Variants in DSP observed in about 807,000 individuals in gnomAD.
DSP encodes desmoplakin, also known as 250/210 kDa paraneoplastic pemphigus antigen.
A neutral mutation model predicts 290.6 loss-of-function variants in DSP; 114 were observed. The observed-to-expected ratio is 0.39, with a 90% CI of 0.34 to 0.46. The LOEUF is 0.46. DSP is among the 20% of genes least tolerant of loss of function. DSP has a pLI of 0.99. For synonymous variants in DSP, 1,311 were observed against 1,316.4 expected, an observed-to-expected ratio of 1.00 and a Z score of 0.09; for missense variants, 3,230 against 3,495.8, an observed-to-expected ratio of 0.92 and a Z score of 1.92.
At chr6:7,571,013 C>G (rs1428744704) in intron 13 of DSP, among the ~76,000 whole-genome samples, 1 of 152,062 alleles carries the variant, frequency 6.6e-6, no homozygotes, top group Non-Finnish European at 1.5e-5. Context: ...AGAGGGAGAT[C>G]CTTTAGGAGT....
At chr6:7,578,443 C>T (rs1397658630) in intron 21 of DSP, 21 bp from the exon 22 acceptor site, 1 of 1,602,144 alleles carries the variant, frequency 6.2e-7, no homozygotes, top group South Asian at 1.1e-5. Flanking sequence ...CTTTTTCTTT[C>T]TTTCCTTCCT....
rs1287465370 is a variant in DSP, at chr6:7,582,849, G to A, written c.5587G>A (p.Asp1863Asn). 4 of 1,614,112 alleles carry A rather than the reference G, an allele frequency of 2.5e-6. No individual in the cohort carries two copies. Among genetic ancestry groups the A allele is most frequent in the African/African-American group, 2.7e-5 (2 of 75,012 alleles). ...GTGTGAGAAACAGCAAATTCAGAAT[G>A]ACCTGAATCAGTGGAAGACTCAATA... is the stretch of plus-strand genomic sequence containing the variant. ...LECEKQQIQN[D>N]LNQWKTQYSR... Residue 1863 changes from aspartate (D) to asparagine (N), a missense_variant, in exon 24 of 24, where the codon GAC becomes AAC. This residue lies in a region of DSP where 1,714 missense variants were observed against 1,844.5 expected (regional missense o/e 0.93). Transcript: ENST00000379802. This position sits in a 1 kb window ranked among gnomAD's most constrained non-coding sequence, Gnocchi z 4.2.
At position 7,576,429 on chromosome 6, in the gene DSP, A is replaced by G; in HGVS notation, c.2766A>G (p.Thr922=). 1.2e-6 allele frequency: 2 copies of G among 1,614,136 alleles called. No homozygotes were observed. The highest frequency in any genetic ancestry group is 1.7e-6 in the Non-Finnish European group (2 of 1,180,006). ...LESMKFGDSN[T]VMRFLNEQKN... ...CCATGAAATTTGGAGATTCCAACAC[A>G]GTCATGCGGTTTTTGAATGAGCAGA... The change falls in exon 19 of 24, where the codon ACA becomes ACG. Residue 922 remains threonine, a synonymous_variant. Coordinates refer to ENST00000379802, the MANE Select transcript of DSP (RefSeq NM_004415.4).
At position 7,580,405 on chromosome 6, in the gene DSP, A is replaced by G. The variant is rs1487776016; in HGVS notation, c.4215A>G (p.Leu1405=). The change falls in exon 23 of 24, where the codon TTA becomes TTG. Residue 1405 remains leucine (L), a synonymous_variant. Transcript: ENST00000379802. The surrounding 1 kb of genome is among the most constrained non-coding windows in gnomAD (Gnocchi z 4.2). ...ATCTCACCCGAGAAAACAGGAGCTT[A>G]TCTGAAGAAATAAAGAGGCTGAAGA... ...IDNLTRENRS[L]SEEIKRLKNT... is the part of the protein sequence containing the mutation. The G allele has an allele frequency of 6.2e-7, 1 of 1,613,990 alleles. No individual in the cohort carries two copies. Among genetic ancestry groups the G allele is most frequent in the African/African-American group, 1.3e-5 (1 of 74,900 alleles).
rs1159243386 is a variant in DSP, at chr6:7,580,756, G to A, written c.4566G>A (p.Thr1522=). ...TGCAGAAAGCAAACAGTAGTGCGAC[G>A]GAGACAATAAACAAACTGAAGGTTC... ...YDLQKANSSA[T]ETINKLKVQE... is the part of the protein sequence containing the mutation. The change falls in exon 23 of 24, where the codon ACG becomes ACA. Residue 1522 remains threonine, a synonymous_variant. Coordinates refer to ENST00000379802, the MANE Select transcript of DSP (RefSeq NM_004415.4). This position sits in a 1 kb window ranked among gnomAD's most constrained non-coding sequence, Gnocchi z 4.2. 6.2e-6 allele frequency: 10 copies of A among 1,613,966 alleles called. No individual in the cohort carries two copies. Among genetic ancestry groups the A allele is most frequent in the Middle Eastern group, 1.6e-4 (1 of 6,084 alleles).
chr6:7,542,441 G>A (rs1758024514), intron 1 of DSP, among the ~76,000 whole-genome samples: 1 of 152,170 alleles, frequency 6.6e-6, no homozygotes, highest in South Asian at 2.1e-4. Context: ...AGGTGGGGCT[G>A]CGACCACAAA....
Position 7,581,056 on chromosome 6 carries a change from A to G in DSP, c.4866A>G (p.Ala1622=), listed in dbSNP as rs778160298. ...ACCTGACCCAGCAGCTGGAGCAGGCATCCATTGTTAAGAAGAGGAGTGAGG... is the reference window on the plus strand; with the variant it reads ...ACCTGACCCAGCAGCTGGAGCAGGCGTCCATTGTTAAGAAGAGGAGTGAGG... The part of the protein sequence containing the change: ...ITNLTQQLEQ[A]SIVKKRSEDD... The change falls in exon 23 of 24, where the codon GCA becomes GCG. Residue 1622 remains alanine (A), a synonymous_variant. Coordinates refer to ENST00000379802, the MANE Select transcript of DSP (RefSeq NM_004415.4). 6.2e-7 allele frequency: 1 copy of G among 1,614,102 alleles called. No homozygotes were observed. The highest frequency in any genetic ancestry group is 8.5e-7 in the Non-Finnish European group (1 of 1,180,040).
At position 7,579,817 on chromosome 6, in the gene DSP, G is replaced by T. The variant is rs1759361847; in HGVS notation, c.3627G>T (p.Lys1209Asn). 1 of 1,614,088 alleles carries T rather than the reference G, an allele frequency of 6.2e-7. No individual in the cohort carries two copies. The highest frequency in any genetic ancestry group is 8.5e-7 in the Non-Finnish European group (1 of 1,180,036). The change falls in exon 23 of 24, where the codon AAG becomes AAT. Residue 1209 changes from lysine to asparagine, a missense_variant. Coordinates refer to ENST00000379802, the MANE Select transcript of DSP (RefSeq NM_004415.4). The surrounding 1 kb of genome is among the most constrained non-coding windows in gnomAD (Gnocchi z 4.1). ...YNEEMSNLRN[K>N]YETEINITKT... ...AGGAGATGAGTAATTTAAGGAACAA[G>T]TATGAAACAGAGATTAACATTACGA...
intron 2 of DSP, among the ~76,000 whole-genome samples, 155 bp from the exon 3 acceptor site, chr6:7,557,961 G>A (rs567575056): frequency 9.2e-5 from 14 of 152,322 alleles, no homozygotes; most frequent in African/African-American, 2.4e-4. Context: ...ATGAATCTCC[G>A]TCTGTTTACC....
Position 7,583,773 on chromosome 6 carries a change from A to G in DSP, c.6511A>G (p.Asn2171Asp), listed in dbSNP as rs149827779. 8.1e-6 allele frequency: 13 copies of G among 1,613,910 alleles called. No individual in the cohort carries two copies. In the African/African-American group the frequency reaches 1.6e-4, roughly 20 times the overall value. Residue 2171 changes from asparagine (N) to aspartate (D), a missense_variant, in exon 24 of 24, where the codon AAC (asparagine) becomes GAC (aspartate). Coordinates refer to ENST00000379802, the MANE Select transcript of DSP (RefSeq NM_004415.4). This position sits in a 1 kb window ranked among gnomAD's most constrained non-coding sequence, Gnocchi z 4.0. ...GAATGATCCCCGAGATAGTCAGAAA[A>G]ACTTTGTGGATCCAGTCACCAAAAA... ...SLNDPRDSQK[N>D]FVDPVTKKKV...
At chr6:7,571,757 T>C in intron 14 of DSP, 85 bp from the exon 15 acceptor site, 1 of 1,513,090 alleles carries the variant, frequency 6.6e-7, no homozygotes, top group Non-Finnish European at 9.1e-7. Flanking sequence ...AGGTATACTT[T>C]TAGGTAGTAT....
Position 7,586,147 on chromosome 6 carries a change from G to T in DSP, c.*269G>T. ...ATAGCACAAATCGAACTTAGGATTTGTTTCTTCTCTTCTGTGTTTCGATTT... is the reference window on the plus strand; with the variant it reads ...ATAGCACAAATCGAACTTAGGATTTTTTTCTTCTCTTCTGTGTTTCGATTT... On this transcript the variant is annotated 3_prime_UTR_variant, in exon 24 of 24. Transcript: ENST00000379802. The T allele has an allele frequency of 5.5e-6, 2 of 360,572 alleles. No individual in the cohort carries two copies. The highest frequency in any genetic ancestry group is 5.0e-6 in the Non-Finnish European group (1 of 200,678). The allele number at this position is 360,572 out of a possible 1,614,324, so 22.3% of individuals were successfully genotyped here. A position where few individuals can be genotyped will look rare whatever the true frequency, so the allele number is the denominator to read the frequency against.
At chr6:7,555,080 G>A (rs531232861) in intron 1 of DSP, among the ~76,000 whole-genome samples, 1 of 152,310 alleles carries the variant, frequency 6.6e-6, no homozygotes, top group East Asian at 1.9e-4. Context: ...TGTGGTGTTG[G>A]GGACTGTCAT....
rs577625038 is a variant in DSP, at chr6:7,583,220, C to T, written c.5958C>T (p.Ile1986=). 1.3e-5 allele frequency: 21 copies of T among 1,613,910 alleles called. No homozygotes were observed. The highest frequency in any genetic ancestry group is 1.6e-4 in the Middle Eastern group (1 of 6,084). The change falls in exon 24 of 24, where the codon ATC becomes ATT. Residue 1986 remains isoleucine, a synonymous_variant. Coordinates refer to ENST00000379802, the MANE Select transcript of DSP (RefSeq NM_004415.4). This position sits in a 1 kb window ranked among gnomAD's most constrained non-coding sequence, Gnocchi z 4.0. ...TGCAGCTCTATGAGTGTCAGCTGAT[C>T]GACAAAACAACCTTGGACAAACTAT... is the stretch of plus-strand genomic sequence containing the variant. ...TAMQLYECQL[I]DKTTLDKLLK... is the part of the protein sequence containing the mutation.
At chr6:7,542,905 T>A (rs770561860) in intron 1 of DSP, among the ~76,000 whole-genome samples, 1 of 149,218 alleles carries the variant, frequency 6.7e-6, no homozygotes, top group East Asian at 2.0e-4. Context: ...GCCGGCCGCA[T>A]GTCTGCTTTG....
rs572980966 is a variant in DSP at position 7,567,789 on chromosome 6, A to G, written c.1149A>G (p.Glu383=). The part of the protein sequence containing the change: ...KENAAYFQFF[E]EAQSTEAYLK... ...ACTCTCATCCTTCACAGTTTTTTGAAGAGGCGCAGTCTACTGAAGCATACC... is the reference window on the plus strand; with the variant it reads ...ACTCTCATCCTTCACAGTTTTTTGAGGAGGCGCAGTCTACTGAAGCATACC... The change falls in exon 10 of 24, where the codon GAA becomes GAG. Residue 383 remains glutamate, a synonymous_variant. Coordinates refer to ENST00000379802, the MANE Select transcript of DSP (RefSeq NM_004415.4). 1.4e-5 allele frequency: 23 copies of G among 1,613,968 alleles called. No individual in the cohort carries two copies. The South Asian group carries it at 2.2e-4, about 15-fold the overall frequency.
chr6:7,545,166 T>C (rs927647014), intron 1 of DSP, among the ~76,000 whole-genome samples: 6 of 152,240 alleles, frequency 3.9e-5, no homozygotes, highest in African/African-American at 1.2e-4. Flanking sequence ...TTAATGCTTA[T>C]TTTTCTTCAG....
chr6:7,569,118 CATT>C, intron 11 of DSP, 65 bp from the exon 12 acceptor site: 1 of 1,604,148 alleles, frequency 6.2e-7, no homozygotes, highest in African/African-American at 1.3e-5. Flanking sequence ...CTGTTTCCAT[CATT>C]GAGAAAAAAA....
At chr6:7,578,584 T>C in intron 22 of DSP, 22 bp downstream of exon 22, 3 of 1,580,772 alleles carry the variant, frequency 1.9e-6, no homozygotes, top group Admixed American at 1.7e-5. Flanking sequence ...TGTCTTTTCT[T>C]GTAGCGTCAA....
Sources: allele counts gnomAD v4.1 joint callset (sites outside exome capture counted in the v4.1 genomes callset), GRCh38; gene constraint gnomAD v4.1.1; regional missense constraint gnomAD v4.1.1; non-coding constraint Gnocchi (gnomAD v3.1); transcripts MANE v1.5; gene names NCBI Gene and HGNC (gene_info 2026-07-23, HGNC 2026-07-21).